The following EIF2B4 variants were observed in gnomAD, a reference collection of about 807,000 sequenced individuals.
EIF2B4 encodes the protein translation initiation factor eIF2B subunit delta.
In EIF2B4, 34 loss-of-function variants were observed where a neutral mutation model predicts 66.7. The observed-to-expected ratio is 0.51, with a 90% CI of 0.39 to 0.68. The LOEUF is 0.68. EIF2B4 is among the 30% of genes least tolerant of loss of function. The probability of loss-of-function intolerance (pLI) is 0.00; values close to 1 mark genes in which losing one functional copy is unlikely to be tolerated. For missense variants in EIF2B4, 618 were observed against 657.9 expected (o/e 0.94, Z 0.66); for synonymous variants, 278 against 253.6 (o/e 1.10, Z -0.92).
Position 27,366,843 on chromosome 2 carries a change from T to G in EIF2B4, c.1107A>C (p.Gly369=), listed in dbSNP as rs1558634871. The G allele has an allele frequency of 6.2e-6, 10 of 1,614,190 alleles. No individual in the cohort carries two copies. Among genetic ancestry groups the G allele is most frequent in the Non-Finnish European group, 7.6e-6 (9 of 1,180,038 alleles). The change falls in exon 11 of 13, where the codon GGA becomes GGC. Residue 369 remains glycine, a synonymous_variant. Transcript: ENST00000347454. ...GGACTAGAGAACGTAGTGTGTGCCT[T>G]CCTTCCAGCCATGGCCGGCTGTCCA... ...VVVDSRPWLE[G]RHTLRSLVHA... is the part of the protein sequence containing the mutation.
intron 6 of EIF2B4, 30 bp downstream of exon 6, chr2:27,368,342 A>C (rs768826695): frequency 8.8e-6 from 14 of 1,588,430 alleles, no homozygotes; most frequent in Non-Finnish European, 1.2e-5. Flanking sequence ...CCTCAGACTC[A>C]AAAGTTATGA....
At chr2:27,366,100 G>A (rs1261826483) in intron 11 of EIF2B4, 2 of 133,290 alleles carry the variant, frequency 1.5e-5, no homozygotes, top group Non-Finnish European at 2.9e-5. Context: ...GTAGCTGTGT[G>A]TGTGTGTGTG....
chr2:27,365,349 A>G (rs1317854196), intron 11 of EIF2B4, among the ~76,000 whole-genome samples: 1 of 149,340 alleles, frequency 6.7e-6, no homozygotes, highest in Admixed American at 6.7e-5. Flanking sequence ...AACAGGCGTG[A>G]GCCACTGAGT....
At chr2:27,365,729 A>G (rs1681799460) in intron 11 of EIF2B4, 1 of 152,004 alleles carries the variant, frequency 6.6e-6, no homozygotes, top group African/African-American at 2.4e-5. Context: ...CCACTGACCC[A>G]CCAAATCTCC....
rs776685186 is a variant in EIF2B4 at position 27,368,695 on chromosome 2, G to C, written c.457C>G (p.Leu153Val). The C allele has an allele frequency of 2.5e-6, 4 of 1,614,012 alleles. No individual in the cohort carries two copies. The highest frequency in any genetic ancestry group is 1.3e-5 in the African/African-American group (1 of 74,878). ...RLPEYPQVDD[L>V]LLRRLVKKPE... ...TTTTTAACAAGCCTTCTCAGAAGTA[G>C]GTCATCAACCTGAGGGTACTCAGGG... Residue 153 changes from leucine to valine, a missense_variant, in exon 5 of 13, where the codon CTA becomes GTA. By Grantham distance (32) the Leu-to-Val change is conservative (BLOSUM62 1). Around this residue, in one of 4 missense-constraint regions of EIF2B4, gnomAD observed 506 missense variants for 511.9 expected, o/e 0.99. Coordinates refer to ENST00000347454, the MANE Select transcript of EIF2B4 (RefSeq NM_001034116.2).
Position 27,369,161 on chromosome 2 carries a change from C to G in EIF2B4, c.263G>C (p.Arg88Pro). Residue 88 changes from arginine to proline, a missense_variant, in exon 4 of 13, where the codon CGG becomes CCG. Arg to Pro is a moderately radical substitution (Grantham distance 103). Coordinates refer to ENST00000347454, the MANE Select transcript of EIF2B4 (RefSeq NM_001034116.2). ...PESGIQLGTP[R>P]EKVPAGRSKA... is the part of the protein sequence containing the mutation. ...ACTCCGACCAGCTGGAACTTTCTCCCGAGGAGTGCCCAACTGAATGCCCGA... is the reference window on the plus strand; with the variant it reads ...ACTCCGACCAGCTGGAACTTTCTCCGGAGGAGTGCCCAACTGAATGCCCGA... 1 of 1,613,526 alleles carries G rather than the reference C, an allele frequency of 6.2e-7. No individual in the cohort carries two copies. Among genetic ancestry groups the G allele is most frequent in the Non-Finnish European group, 8.5e-7 (1 of 1,179,986 alleles).
At chr2:27,367,268 G>A (rs1339726754) in intron 9 of EIF2B4, 67 bp from the exon 10 acceptor site, 2 of 1,610,204 alleles carry the variant, frequency 1.2e-6, no homozygotes, top group Non-Finnish European at 1.7e-6. Context: ...ATCATGCCAG[G>A]TGCTTGAATA....
Position 27,364,745 on chromosome 2 carries a change from TCTGCACACGCTCAC to T in EIF2B4, c.1331_1344del (p.Cys444TyrfsTer2). Reference sequence around the variant, plus strand: ...AGCTCATTAGAGACAAAGGCATCAGTCTGCACACGCTCACAGAACTTGTATGTTTCACAGCAAAC... The same window carrying T: ...AGCTCATTAGAGACAAAGGCATCAGTAGAACTTGTATGTTTCACAGCAAAC... On this transcript the variant is annotated frameshift_variant, in exon 12 of 13. Transcript: ENST00000347454. LOFTEE classifies it high-confidence loss of function. The T allele has an allele frequency of 1.9e-6, 3 of 1,614,198 alleles. No individual in the cohort carries two copies. The highest frequency in any genetic ancestry group is 2.5e-6 in the Non-Finnish European group (3 of 1,180,038).
rs141872864 is a variant in EIF2B4 at position 27,369,052 on chromosome 2, T to C, written c.372A>G (p.Gly124=). The change falls in exon 4 of 13, where the codon GGA becomes GGG. Residue 124 remains glycine, a synonymous_variant. Transcript: ENST00000347454. ...TGCTGGGGCTGGCCTTAGGAGGTGG[T>C]CCTCCTTGTTCCCCTTTTCTTGCCT... is the stretch of plus-strand genomic sequence containing the variant. The part of the protein sequence containing the change: ...LKQARKGEQG[G]PPPKASPSTA... 3.3e-4 allele frequency: 531 copies of C among 1,614,018 alleles called. 4 individuals are homozygous for C. In the Middle Eastern group the frequency reaches 4.1e-3, roughly 13 times the overall value.
Position 27,365,388 on chromosome 2 carries a change from T to C in EIF2B4, c.1192-490A>G, listed in dbSNP as rs544001681. 4.0e-5 allele frequency among the ~76,000 whole-genome samples: 6 copies of C among 149,298 alleles called. No individual in the cohort carries two copies. In the South Asian group the frequency reaches 1.3e-3, roughly 32 times the overall value. ...GCAATTAATAAATCCTTTTTTTTTT[T>C]TTTTTTGAGATGGAGTCTCGCTCTG... On this transcript the variant is annotated intron_variant, in intron 11 of 12. Transcript: ENST00000347454.
Position 27,366,164 on chromosome 2 carries a change from TAG to T in EIF2B4, c.1191+593_1191+594del, listed in dbSNP as rs1189769609. ...AGCAGTCCTCTCACCTCAGCCTAAGTAGCTGGAACTACATGCGCATGCCACCA... is the reference window on the plus strand; with the variant it reads ...AGCAGTCCTCTCACCTCAGCCTAAGTCTGGAACTACATGCGCATGCCACCA... On this transcript the variant is annotated intron_variant, in intron 11 of 12. Transcript: ENST00000347454. The T allele has an allele frequency of 8.4e-4, 80 of 95,342 alleles. 4 individuals are homozygous for T. The East Asian group carries it at 0.023, about 28-fold the overall frequency. 5.9% of individuals were successfully genotyped at this position (95,342 alleles called of 1,614,324 possible). A position where few individuals can be genotyped will look rare whatever the true frequency, so the allele number is the denominator to read the frequency against.
chr2:27,366,675 CTG>C lies in EIF2B4; in HGVS notation c.1191+82_1191+83del, dbSNP rs996625029. 6.6e-6 allele frequency: 10 copies of C among 1,513,758 alleles called. No individual in the cohort carries two copies. The East Asian group carries it at 1.1e-4, about 17-fold the overall frequency. 93.8% of individuals were successfully genotyped at this position (1,513,758 alleles called of 1,614,324 possible). A position where few individuals can be genotyped will look rare whatever the true frequency, so the allele number is the denominator to read the frequency against. ...TCCTTATCTCAAAACAAAAACAAAACTGTAACTTTGGGAAGGTGAGATTATGT... is the reference window on the plus strand; with the variant it reads ...TCCTTATCTCAAAACAAAAACAAAACTAACTTTGGGAAGGTGAGATTATGT... On this transcript the variant is annotated intron_variant, in intron 11 of 12. Transcript: ENST00000347454.
intron 11 of EIF2B4, chr2:27,365,114 T>G (rs1030382797): frequency 2.0e-6 from 1 of 511,742 alleles, no homozygotes; most frequent in African/African-American, 1.9e-5. Flanking sequence ...TGGAGTGCAA[T>G]GGCGCGATCT....
In EIF2B4 at chr2:27,370,298, A is replaced by G; in HGVS notation, c.17T>C (p.Val6Ala). MAAVA[V>A]AVREDSGSGM... ...TCTTCACTCACCCTCGCGAACAGCC[A>G]CGGCCACAGCAGCCATCGCCCTCAG... The change falls in exon 1 of 13, where the codon GTG becomes GCG. Residue 6 changes from valine (V) to alanine (A), a missense_variant. Val to Ala is a moderately conservative substitution (Grantham distance 64). This residue lies in a region of EIF2B4 where 506 missense variants were observed against 511.9 expected (regional missense o/e 0.99). Transcript: ENST00000347454. The G allele has an allele frequency of 6.5e-7, 1 of 1,546,480 alleles. No homozygotes were observed.
At position 27,368,743 on chromosome 2, in the gene EIF2B4, A is replaced by G; in HGVS notation, c.419-10T>C. 6 of 1,613,708 alleles carry G rather than the reference A, an allele frequency of 3.7e-6. No homozygotes were observed. Among genetic ancestry groups the G allele is most frequent in the Non-Finnish European group, 5.1e-6 (6 of 1,179,560 alleles). ...GGGAGACGCTTCACTCCTGAAAGATAATCATCATGTTTTCAGGACACTGTA... is the reference window on the plus strand; with the variant it reads ...GGGAGACGCTTCACTCCTGAAAGATGATCATCATGTTTTCAGGACACTGTA... On this transcript the variant is annotated splice_polypyrimidine_tract_variant and intron_variant, in intron 4 of 12. Coordinates refer to ENST00000347454, the MANE Select transcript of EIF2B4 (RefSeq NM_001034116.2).
Position 27,366,857 on chromosome 2 carries a change from G to C in EIF2B4, c.1093C>G (p.Pro365Ala). 6.2e-7 allele frequency: 1 copy of C among 1,614,160 alleles called. No homozygotes were observed. The highest frequency in any genetic ancestry group is 8.5e-7 in the Non-Finnish European group (1 of 1,180,034). ...AGTGTGTGCCTTCCTTCCAGCCATG[G>C]CCGGCTGTCCACCACTACCACCCGA... is the stretch of plus-strand genomic sequence containing the variant. ...RFRVVVVDSRPWLEGRHTLRS... is the reference protein window; with the variant it reads ...RFRVVVVDSRAWLEGRHTLRS... The change falls in exon 11 of 13, where the codon CCA becomes GCA. Residue 365 changes from proline to alanine, a missense_variant. This residue lies in a region of EIF2B4 where 506 missense variants were observed against 511.9 expected (regional missense o/e 0.99). Coordinates refer to ENST00000347454, the MANE Select transcript of EIF2B4 (RefSeq NM_001034116.2).
chr2:27,370,223 A>C, intron 1 of EIF2B4, 61 bp downstream of exon 1: 1 of 1,541,468 alleles, frequency 6.5e-7, no homozygotes. Context: ...AAGGCCCGGC[A>C]CTAGCTGTCC....
intron 2 of EIF2B4, 137 bp downstream of exon 2, chr2:27,369,739 G>C (rs1682216304): frequency 7.0e-7 from 1 of 1,431,590 alleles, no homozygotes; most frequent in Admixed American, 2.1e-5. Context: ...ATATCCCTAG[G>C]GTTGCAAGAC....
intron 2 of EIF2B4, 93 bp from the exon 3 acceptor site, chr2:27,369,642 T>C (rs1682202777): frequency 6.3e-7 from 1 of 1,598,826 alleles, no homozygotes; most frequent in Non-Finnish European, 8.6e-7. Context: ...CATGGTTAAA[T>C]CCCTAGTTCT....
Sources: gnomAD v4.1 joint callset for allele counts (sites outside exome capture counted in the v4.1 genomes callset) on GRCh38, gnomAD v4.1.1 for gene constraint, gnomAD v4.1.1 regional missense constraint, MANE v1.5 for transcripts, NCBI Gene and HGNC (gene_info 2026-07-23, HGNC 2026-07-21) for gene names.